SLC5A8: variants seen among roughly 807,000 people sequenced by gnomAD.
SLC5A8 encodes the protein solute carrier family 5 member 8.
A neutral mutation model predicts 71.9 loss-of-function variants in SLC5A8; 55 were observed. That is an observed-to-expected ratio of 0.77 (90% CI 0.62 to 0.96). The LOEUF is 0.96. SLC5A8 is among the 40% of genes least tolerant of loss of function. SLC5A8 has a pLI of 0.00. For synonymous variants in SLC5A8, 307 were observed against 276.1 expected (o/e 1.11, Z -1.11); for missense variants, 701 against 745.3 (o/e 0.94, Z 0.69).
At chr12:101,181,251 G>A (rs560060717) in intron 9 of SLC5A8, among the ~76,000 whole-genome samples, 8 of 151,862 alleles carry the variant, frequency 5.3e-5, no homozygotes, top group East Asian at 3.9e-4. Context: ...TGATTTTTAC[G>A]CCTCTCAATT....
At chr12:101,196,272 C>A (rs1433474969) in intron 3 of SLC5A8, among the ~76,000 whole-genome samples, 2 of 152,068 alleles carry the variant, frequency 1.3e-5, no homozygotes, top group Non-Finnish European at 2.9e-5. Flanking sequence ...TATGTGCTAC[C>A]AAAATGGGAT....
At position 101,166,681 on chromosome 12, in the gene SLC5A8, T is replaced by C. The variant is rs1198872090; in HGVS notation, c.1339A>G (p.Met447Val). The C allele has an allele frequency of 6.2e-7, 1 of 1,611,036 alleles. No individual in the cohort carries two copies. The highest frequency in any genetic ancestry group is 1.7e-5 in the Admixed American group (1 of 59,350). Residue 447 changes from methionine (M) to valine (V), a missense_variant, in exon 12 of 15, where the codon ATG becomes GTG. Met to Val is a conservative substitution (Grantham distance 21, BLOSUM62 1). Transcript: ENST00000536262. ...CATAGAGAAATGGCAAATCCAGCCA[T>C]CAGACCAACAAGTGCTCCCTGTAAA... ...ANSIGALVGL[M>V]AGFAISLWVG...
intron 11 of SLC5A8, 22 bp from the exon 12 acceptor site, chr12:101,166,721 A>G (rs1233007798): frequency 6.4e-7 from 1 of 1,557,546 alleles, no homozygotes; most frequent in Non-Finnish European, 8.7e-7. Flanking sequence ...GAATGCCTTT[A>G]AAAGAAAAAT....
rs1256850080 is a variant in SLC5A8, at chr12:101,202,264, A to G, written c.418-49T>C. On this transcript the variant is annotated intron_variant, in intron 2 of 14. Coordinates refer to ENST00000536262, the MANE Select transcript of SLC5A8 (RefSeq NM_145913.5). Reference sequence around the variant, plus strand: ...ATGAATTATATGAATTATAAAATTCATGAATTACGTCTGAGTTATAAAATA... The same window carrying G: ...ATGAATTATATGAATTATAAAATTCGTGAATTACGTCTGAGTTATAAAATA... The G allele has an allele frequency of 4.2e-6, 6 of 1,445,530 alleles. No homozygotes were observed. The South Asian group carries it at 8.2e-5, about 20-fold the overall frequency. The allele number at this position is 1,445,530 out of a possible 1,614,324, so 89.5% of individuals were successfully genotyped here. A position where few individuals can be genotyped will look rare whatever the true frequency, so the allele number is the denominator to read the frequency against.
intron 10 of SLC5A8, among the ~76,000 whole-genome samples, chr12:101,169,502 T>A (rs139362020): frequency 9.2e-4 from 140 of 152,282 alleles, no homozygotes; most frequent in African/African-American, 3.1e-3. Context: ...TAATCAGGGA[T>A]GGGGTCAAAC....
intron 13 of SLC5A8, among the ~76,000 whole-genome samples, chr12:101,160,114 A>C (rs1402527553): frequency 6.6e-6 from 1 of 152,168 alleles, no homozygotes; most frequent in Non-Finnish European, 1.5e-5. Context: ...CGCAGGAGGC[A>C]GAGGTTACAG....
chr12:101,197,900 A>G (rs1268937383), intron 3 of SLC5A8, among the ~76,000 whole-genome samples: 1 of 152,090 alleles, frequency 6.6e-6, no homozygotes, highest in Non-Finnish European at 1.5e-5. Context: ...TTTTGAGAGC[A>G]TATGGAATGT....
intron 3 of SLC5A8, among the ~76,000 whole-genome samples, chr12:101,198,576 C>A (rs975062655): frequency 6.6e-6 from 1 of 151,878 alleles, no homozygotes; most frequent in African/African-American, 2.4e-5. Flanking sequence ...TTTACCAAAA[C>A]TGACCCAACA....
At chr12:101,158,588 CTCTCTCTCTCTA>C (rs1371906881) in intron 13 of SLC5A8, among the ~76,000 whole-genome samples, 626 of 37,822 alleles carry the variant, frequency 0.017, 1 homozygote, top group Non-Finnish European at 0.019. Flanking sequence ...CTCTCTCTCT[CTCTCTCTCTCTA>C]TATATATATA....
At chr12:101,201,520 C>A (rs1170856033) in intron 3 of SLC5A8, among the ~76,000 whole-genome samples, 2 of 152,146 alleles carry the variant, frequency 1.3e-5, no homozygotes, top group East Asian at 3.9e-4. Flanking sequence ...TTCCCCAAAG[C>A]CTTTTGAAAC....
intron 1 of SLC5A8, among the ~76,000 whole-genome samples, chr12:101,207,244 G>C (rs945821379): frequency 3.9e-5 from 6 of 152,108 alleles, no homozygotes; most frequent in African/African-American, 1.4e-4. Flanking sequence ...GCATTGCTTG[G>C]GGTTATAACA....
rs375050562 is a variant in SLC5A8, at chr12:101,184,116, T to C, written c.1052+18A>G. The C allele has an allele frequency of 1.2e-6, 2 of 1,600,324 alleles. No homozygotes were observed. The highest frequency in any genetic ancestry group is 1.3e-5 in the African/African-American group (1 of 74,514). Reference sequence around the variant, plus strand: ...TCCCAACAGGGAAATCATATGTTATTAGAGTCATAGTTCATACCTTAATGT... The same window carrying C: ...TCCCAACAGGGAAATCATATGTTATCAGAGTCATAGTTCATACCTTAATGT... On this transcript the variant is annotated intron_variant, in intron 8 of 14. Transcript: ENST00000536262.
At chr12:101,196,345 AT>A (rs1869175665) in intron 3 of SLC5A8, among the ~76,000 whole-genome samples, 1 of 152,162 alleles carries the variant, frequency 6.6e-6, no homozygotes, top group South Asian at 2.1e-4. Flanking sequence ...ACTTTATTTC[AT>A]TTTTTTAAAA....
At position 101,157,244 on chromosome 12, in the gene SLC5A8, A is replaced by T; in HGVS notation, c.*35T>A. On this transcript the variant is annotated 3_prime_UTR_variant, in exon 15 of 15. Transcript: ENST00000536262. ...TATCTTAGAAAACATATAAAATTGA[A>T]ACATCATTTAAGGATATCTAGTATC... 8 of 1,593,954 alleles carry T rather than the reference A, an allele frequency of 5.0e-6. No individual in the cohort carries two copies. The highest frequency in any genetic ancestry group is 6.8e-6 in the Non-Finnish European group (8 of 1,168,064).
At chr12:101,206,383 TAGAAG>T (rs1232667710) in intron 1 of SLC5A8, among the ~76,000 whole-genome samples, 3 of 152,222 alleles carry the variant, frequency 2.0e-5, no homozygotes, top group Non-Finnish European at 4.4e-5. Context: ...TGGACATCAA[TAGAAG>T]AGAAGTCTTT....
In SLC5A8 at chr12:101,166,666, T is replaced by A; in HGVS notation, c.1354A>T (p.Ile452Phe). The change falls in exon 12 of 15, where the codon ATT becomes TTT. Residue 452 changes from isoleucine (I) to phenylalanine (F), a missense_variant. By Grantham distance (21) the Ile-to-Phe change is conservative (BLOSUM62 0). Coordinates refer to ENST00000536262, the MANE Select transcript of SLC5A8 (RefSeq NM_145913.5). ...GCTCCAATTCCAACCCATAGAGAAA[T>A]GGCAAATCCAGCCATCAGACCAACA... ...ALVGLMAGFA[I>F]SLWVGIGAQI... 6.2e-7 allele frequency: 1 copy of A among 1,612,500 alleles called. No individual in the cohort carries two copies. Among genetic ancestry groups the A allele is most frequent in the Non-Finnish European group, 8.5e-7 (1 of 1,179,538 alleles).
chr12:101,158,613 TATATATATATATATATATATGTATC>T (rs1484526353), intron 13 of SLC5A8, among the ~76,000 whole-genome samples: 8 of 109,694 alleles, frequency 7.3e-5, no homozygotes, highest in Non-Finnish European at 1.1e-4. Context: ...TATATATATA[TATATATATATATATATATATGTATC>T]ATATATATGT....
intron 12 of SLC5A8, among the ~76,000 whole-genome samples, chr12:101,164,891 T>C (rs1021933541): frequency 6.6e-6 from 1 of 152,230 alleles, no homozygotes; most frequent in Non-Finnish European, 1.5e-5. Context: ...GCCAAACCTA[T>C]GCATTCTTGA....
chr12:101,183,442 AG>A (rs1339509001), intron 8 of SLC5A8, among the ~76,000 whole-genome samples: 2 of 152,294 alleles, frequency 1.3e-5, no homozygotes, highest in Admixed American at 6.5e-5. Context: ...TGACAGTAAA[AG>A]AGAAAGGATA....
Sources: allele counts gnomAD v4.1 joint callset (sites outside exome capture counted in the v4.1 genomes callset), GRCh38; gene constraint gnomAD v4.1.1; transcripts MANE v1.5; gene names NCBI Gene and HGNC (gene_info 2026-07-23, HGNC 2026-07-21).